The following PIK3AP1 variants were observed in gnomAD, a reference collection of about 807,000 sequenced individuals.
PIK3AP1 encodes phosphoinositide-3-kinase adaptor protein 1, also known as phosphoinositide 3-kinase adapter protein 1.
A neutral mutation model predicts 88.1 loss-of-function variants in PIK3AP1; 21 were observed. The ratio of observed to expected loss-of-function variants is 0.24; its 90% CI spans 0.17 to 0.34. The LOEUF is 0.34. Ranked by LOEUF, PIK3AP1 falls within the 10% of genes least tolerant of loss-of-function variation. The pLI, the probability that PIK3AP1 is intolerant of heterozygous loss-of-function variation, is 1.00. For missense variants in PIK3AP1, 828 were observed against 1,035.7 expected (o/e 0.80, Z 2.75); for synonymous variants, 398 against 400.0 (o/e 1.00, Z 0.06).
chr10:96,648,590 G>T, intron 7 of PIK3AP1, 69 bp downstream of exon 7: 2 of 1,464,794 alleles, frequency 1.4e-6, no homozygotes, highest in Non-Finnish European at 9.2e-7. Context: ...TTCGTATTTT[G>T]GGTGAAAGGG....
intron 7 of PIK3AP1, among the ~76,000 whole-genome samples, chr10:96,646,967 C>T (rs751741128): frequency 6.6e-6 from 1 of 152,126 alleles, no homozygotes; most frequent in Non-Finnish European, 1.5e-5. Context: ...AGTTTCCTCA[C>T]GAGACCCAAT....
intron 12 of PIK3AP1, chr10:96,618,666 C>T (rs1372439636): frequency 1.3e-5 from 2 of 152,092 alleles, no homozygotes; most frequent in African/African-American, 4.8e-5. Flanking sequence ...ATGCTGCTTA[C>T]AGTAGCTTAT....
intron 8 of PIK3AP1, among the ~76,000 whole-genome samples, chr10:96,628,793 A>C (rs868217591): frequency 2.6e-4 from 39 of 151,200 alleles, no homozygotes; most frequent in Admixed American, 4.0e-4. Context: ...CCCATTGTTT[A>C]TTACAGAAAA....
Position 96,620,438 on chromosome 10 carries a change from T to G in PIK3AP1, c.1855A>C (p.Ile619Leu). Reference protein sequence around the residue: ...ITLQEQVKLGIVNVDEAVLHF... With the variant: ...ITLQEQVKLGLVNVDEAVLHF... ...AGCACAGCCTCATCCACGTTGACAA[T>G]GCCCAGCTTCACCTGCTCCTGGAGG... is the stretch of plus-strand genomic sequence containing the variant. Residue 619 changes from isoleucine (I) to leucine (L), a missense_variant, in exon 12 of 17, where the codon ATT becomes CTT. By Grantham distance (5) the Ile-to-Leu change is conservative. Around this residue, in one of 3 missense-constraint regions of PIK3AP1, gnomAD observed 27 missense variants for 67.1 expected, o/e 0.40. Transcript: ENST00000339364. 1 of 1,614,168 alleles carries G rather than the reference T, an allele frequency of 6.2e-7. No individual in the cohort carries two copies. The highest frequency in any genetic ancestry group is 1.1e-5 in the South Asian group (1 of 91,078).
At chr10:96,622,439 G>A (rs1843097480) in intron 11 of PIK3AP1, among the ~76,000 whole-genome samples, 4 of 152,120 alleles carry the variant, frequency 2.6e-5, no homozygotes, top group Middle Eastern at 3.2e-3. Context: ...ACTCCATTTG[G>A]GCATTGTGAC....
At chr10:96,657,795 C>T (rs1017069442) in intron 2 of PIK3AP1, among the ~76,000 whole-genome samples, 3 of 152,068 alleles carry the variant, frequency 2.0e-5, no homozygotes, top group Admixed American at 6.6e-5. Flanking sequence ...GAGGGCTGGG[C>T]GTGGTGGCCT....
At chr10:96,679,197 C>T (rs181369295) in intron 2 of PIK3AP1, among the ~76,000 whole-genome samples, 35 of 152,168 alleles carry the variant, frequency 2.3e-4, no homozygotes, top group African/African-American at 8.2e-4. Context: ...ACAAGAGCTC[C>T]CTTCTTGAGT....
At chr10:96,653,591 G>A (rs1324105581) in intron 3 of PIK3AP1, among the ~76,000 whole-genome samples, 2 of 139,836 alleles carry the variant, frequency 1.4e-5, no homozygotes, top group East Asian at 2.4e-4. Context: ...AGGTTCAAGC[G>A]ATTCTCATGC....
At chr10:96,599,061 G>A (rs1848835606) in intron 16 of PIK3AP1, among the ~76,000 whole-genome samples, 3 of 152,210 alleles carry the variant, frequency 2.0e-5, no homozygotes, top group Admixed American at 1.3e-4. Flanking sequence ...CTGGAGGAAG[G>A]GAGGTAAGTG....
At chr10:96,679,527 C>CA (rs767346365) in intron 2 of PIK3AP1, among the ~76,000 whole-genome samples, 1,742 of 134,614 alleles carry the variant, frequency 0.013, 10 homozygotes, top group Middle Eastern at 0.027. Context: ...GACTCCGTCT[C>CA]AAAAAAAAAA....
intron 8 of PIK3AP1, among the ~76,000 whole-genome samples, chr10:96,631,662 G>A (rs1453595840): frequency 1.3e-5 from 2 of 152,180 alleles, no homozygotes; most frequent in African/African-American, 4.8e-5. Flanking sequence ...GCCAAGGCGG[G>A]TGGATTGCTT....
chr10:96,687,905 G>A (rs1226934714), intron 2 of PIK3AP1, among the ~76,000 whole-genome samples: 1 of 152,126 alleles, frequency 6.6e-6, no homozygotes, highest in Admixed American at 6.5e-5. Flanking sequence ...TTATCCTAAG[G>A]CCTGAGCCTG....
At chr10:96,676,821 G>A (rs1843928252) in intron 2 of PIK3AP1, among the ~76,000 whole-genome samples, 1 of 152,052 alleles carries the variant, frequency 6.6e-6, no homozygotes, top group South Asian at 2.1e-4. Context: ...TCTTTTCTAG[G>A]GAGTTTTAAG....
chr10:96,692,505 T>A (rs1844166548), intron 2 of PIK3AP1, among the ~76,000 whole-genome samples: 1 of 150,046 alleles, frequency 6.7e-6, no homozygotes. Context: ...ACCAGGGAGC[T>A]GGAGATTGCA....
chr10:96,694,434 T>G (rs911383231), intron 2 of PIK3AP1, among the ~76,000 whole-genome samples: 28 of 152,300 alleles, frequency 1.8e-4, no homozygotes, highest in Admixed American at 3.3e-4. Context: ...TTGTTCATTT[T>G]AAACTAAAGG....
In PIK3AP1 at chr10:96,599,336, A is replaced by G. The variant is rs527968325; in HGVS notation, c.2360+2944T>C. Among the ~76,000 whole-genome samples, 4 of 152,240 alleles carry G rather than the reference A, an allele frequency of 2.6e-5. No homozygotes were observed. The South Asian group carries it at 8.3e-4, about 32-fold the overall frequency. ...TGATGAGTTCAGTTTTGCACAGGCTATGTTTGAGATATTGGTGGGGTCCCT... is the reference window on the plus strand; with the variant it reads ...TGATGAGTTCAGTTTTGCACAGGCTGTGTTTGAGATATTGGTGGGGTCCCT... On this transcript the variant is annotated intron_variant, in intron 16 of 16. Coordinates refer to ENST00000339364, the MANE Select transcript of PIK3AP1 (RefSeq NM_152309.3).
At chr10:96,595,878 G>T (rs1366076013) in intron 16 of PIK3AP1, among the ~76,000 whole-genome samples, 2 of 152,074 alleles carry the variant, frequency 1.3e-5, no homozygotes, top group South Asian at 4.2e-4. Context: ...CAGACCCATC[G>T]CATTCTAAGC....
chr10:96,640,853 A>G (rs2134223151), intron 8 of PIK3AP1, among the ~76,000 whole-genome samples: 1 of 152,004 alleles, frequency 6.6e-6, no homozygotes, highest in South Asian at 2.1e-4. Context: ...TGTAGAAACG[A>G]GATCTTGCTA....
At chr10:96,709,069 T>C (rs1173707624) in intron 2 of PIK3AP1, among the ~76,000 whole-genome samples, 2 of 149,352 alleles carry the variant, frequency 1.3e-5, no homozygotes, top group Non-Finnish European at 3.0e-5. Context: ...GAGGCAGAGG[T>C]TGCAGTCCAC....
Sources: allele counts gnomAD v4.1 joint callset (sites outside exome capture counted in the v4.1 genomes callset), GRCh38; gene constraint gnomAD v4.1.1; regional missense constraint gnomAD v4.1.1; transcripts MANE v1.5; gene names NCBI Gene and HGNC (gene_info 2026-07-23, HGNC 2026-07-21).